CDH7: variants seen among roughly 807,000 people sequenced by gnomAD.
The protein encoded by CDH7 is cadherin 7.
In CDH7, 25 loss-of-function variants were observed where a neutral mutation model predicts 71.8. The ratio of observed to expected loss-of-function variants is 0.35; its 90% CI spans 0.25 to 0.49. CDH7 has a LOEUF of 0.49. CDH7 is among the 20% of genes least tolerant of loss of function. CDH7 has a pLI of 0.99. For missense variants in CDH7, 862 were observed against 974.6 expected (o/e 0.88, Z 1.54); for synonymous variants, 381 against 363.8 (o/e 1.05, Z -0.54).
Position 65,814,561 on chromosome 18 carries a change from T to A in CDH7, c.582T>A (p.Ser194Arg). The change falls in exon 4 of 12, where the codon AGT becomes AGA. Residue 194 changes from serine to arginine, a missense_variant. By Grantham distance (110) the Ser-to-Arg change is moderately radical. Transcript: ENST00000397968. ...TYGNSARVVY[S>R]ILQGQPYFSV... ...GCAACAGTGCCAGAGTGGTCTACAG[T>A]ATTCTGCAAGGACAGCCGTACTTCT... 1 of 1,613,700 alleles carries A rather than the reference T, an allele frequency of 6.2e-7. No homozygotes were observed. Among genetic ancestry groups the A allele is most frequent in the Non-Finnish European group, 8.5e-7 (1 of 1,179,760 alleles).
At chr18:65,778,938 C>A (rs1326982393) in intron 2 of CDH7, among the ~76,000 whole-genome samples, 1 of 152,066 alleles carries the variant, frequency 6.6e-6, no homozygotes, top group Non-Finnish European at 1.5e-5. Flanking sequence ...CCTGAGATTT[C>A]TTTTTCTACC....
intron 10 of CDH7, among the ~76,000 whole-genome samples, chr18:65,860,388 C>T (rs963127249): frequency 6.6e-6 from 1 of 151,944 alleles, no homozygotes; most frequent in African/African-American, 2.4e-5. Flanking sequence ...TATTTCTCTG[C>T]TTCAAAGGTA....
At chr18:65,859,579 G>C in intron 9 of CDH7, 129 bp from the exon 10 acceptor site, 1 of 607,398 alleles carries the variant, frequency 1.6e-6, no homozygotes, top group Non-Finnish European at 3.0e-6. Flanking sequence ...ATAATACATC[G>C]GATCCTTTCT....
chr18:65,807,887 CT>C (rs1174961202), intron 2 of CDH7, among the ~76,000 whole-genome samples: 1 of 152,148 alleles, frequency 6.6e-6, no homozygotes, highest in African/African-American at 2.4e-5. Flanking sequence ...ATAGTCCCTT[CT>C]TTCCTCAAGT....
rs1555688432 is a variant in CDH7 at position 65,844,174 on chromosome 18, G to GATAT, written c.1235+120_1235+123dup. On this transcript the variant is annotated intron_variant, in intron 7 of 11. Transcript: ENST00000397968. Reference sequence around the variant, plus strand: ...CTTTGTTCATAACAAATAAAAACCAGATATATATATATATCGAGTTATAAC... The same window carrying GATAT: ...CTTTGTTCATAACAAATAAAAACCAGATATATATATATATATATCGAGTTATAAC... 28 of 227,998 alleles carry GATAT rather than the reference G, an allele frequency of 1.2e-4. 4 individuals are homozygous for GATAT. Among genetic ancestry groups the GATAT allele is most frequent in the Non-Finnish European group, 2.0e-4 (25 of 124,732 alleles). 14.1% of individuals were successfully genotyped at this position (227,998 alleles called of 1,614,324 possible). A position where few individuals can be genotyped will look rare whatever the true frequency, so the allele number is the denominator to read the frequency against.
At chr18:65,854,798 A>C (rs963034699) in intron 7 of CDH7, among the ~76,000 whole-genome samples, 3 of 152,124 alleles carry the variant, frequency 2.0e-5, no homozygotes, top group Non-Finnish European at 4.4e-5. Flanking sequence ...TTAAGTTATA[A>C]TCCTCTTATC....
rs1343525014 is a variant in CDH7 at position 65,884,198 on chromosome 18, T to C, written c.*3304T>C. The C allele has an allele frequency of 6.6e-6, 1 of 152,156 alleles. No homozygotes were observed. Among genetic ancestry groups the C allele is most frequent in the East Asian group, 1.9e-4 (1 of 5,194 alleles). 9.4% of individuals were successfully genotyped at this position (152,156 alleles called of 1,614,324 possible). A position where few individuals can be genotyped will look rare whatever the true frequency, so the allele number is the denominator to read the frequency against. On this transcript the variant is annotated 3_prime_UTR_variant, in exon 12 of 12. Coordinates refer to ENST00000397968, the MANE Select transcript of CDH7 (RefSeq NM_004361.5). ...AAATCAAATCTTAAGGAAATGGATTTCTGGAGATCAAGCCTAAATTATCAA... is the reference window on the plus strand; with the variant it reads ...AAATCAAATCTTAAGGAAATGGATTCCTGGAGATCAAGCCTAAATTATCAA...
At chr18:65,807,137 G>A (rs2143899223) in intron 2 of CDH7, among the ~76,000 whole-genome samples, 1 of 152,074 alleles carries the variant, frequency 6.6e-6, no homozygotes, top group Non-Finnish European at 1.5e-5. Flanking sequence ...GGCATGGGTA[G>A]GTAATAGAAG....
intron 1 of CDH7, among the ~76,000 whole-genome samples, chr18:65,751,791 T>A (rs1219537378): frequency 6.6e-6 from 1 of 152,176 alleles, no homozygotes; most frequent in Non-Finnish European, 1.5e-5. Context: ...GCGCCCTGCT[T>A]CTCTGAATGC....
intron 2 of CDH7, among the ~76,000 whole-genome samples, chr18:65,797,872 T>A (rs1462745172): frequency 6.6e-6 from 1 of 152,188 alleles, no homozygotes; most frequent in Non-Finnish European, 1.5e-5. Context: ...TCAAACTTCC[T>A]CTGTATTTCT....
At chr18:65,790,220 C>CAAAAAAAAAAA (rs10552878) in intron 2 of CDH7, among the ~76,000 whole-genome samples, 8 of 66,500 alleles carry the variant, frequency 1.2e-4, no homozygotes, top group African/African-American at 4.2e-4. Context: ...GACTCTCTCT[C>CAAAAAAAAAAA]AAAAAAAAAA....
At chr18:65,854,503 T>C (rs936095368) in intron 7 of CDH7, among the ~76,000 whole-genome samples, 1 of 119,092 alleles carries the variant, frequency 8.4e-6, no homozygotes, top group African/African-American at 2.5e-5. Context: ...TTAAATAAAT[T>C]CTCAACTTTA....
intron 5 of CDH7, among the ~76,000 whole-genome samples, chr18:65,823,902 G>A (rs767291930): frequency 2.6e-5 from 4 of 151,816 alleles, no homozygotes; most frequent in East Asian, 1.9e-4. Context: ...GCGGTGTTTC[G>A]TCATTTCTGA....
intron 3 of CDH7, 43 bp downstream of exon 3, chr18:65,810,041 G>A (rs1489867204): frequency 6.7e-7 from 1 of 1,503,382 alleles, no homozygotes; most frequent in African/African-American, 1.4e-5. Flanking sequence ...TGGCCGATTT[G>A]GGGAGATTTG....
chr18:65,770,808 A>G (rs1366197449), intron 2 of CDH7, among the ~76,000 whole-genome samples: 2 of 152,176 alleles, frequency 1.3e-5, no homozygotes, highest in Non-Finnish European at 2.9e-5. Context: ...GTTAGAACTA[A>G]AATGAATACT....
chr18:65,849,754 C>T (rs1431347048), intron 7 of CDH7, among the ~76,000 whole-genome samples: 1 of 152,060 alleles, frequency 6.6e-6, no homozygotes, highest in Non-Finnish European at 1.5e-5. Flanking sequence ...AATTACAAAG[C>T]TCTGCTGTCA....
intron 11 of CDH7, among the ~76,000 whole-genome samples, chr18:65,867,836 G>A (rs1475441840): frequency 6.6e-6 from 1 of 152,126 alleles, no homozygotes; most frequent in African/African-American, 2.4e-5. Context: ...TTAATAAGGT[G>A]TTTGTAGAAA....
Position 65,824,842 on chromosome 18 carries a change from CT to C in CDH7, c.981+14del. The C allele has an allele frequency of 6.5e-7, 1 of 1,545,052 alleles. No homozygotes were observed. Among genetic ancestry groups the C allele is most frequent in the Non-Finnish European group, 8.8e-7 (1 of 1,132,844 alleles). On this transcript the variant is annotated intron_variant, in intron 6 of 11. Transcript: ENST00000397968. ...ATTACTATACAGAAGGTAATGTTTT[CT>C]TTATTTATCTTTTATCACAGATTAC...
chr18:65,873,715 G>A (rs9950064), intron 11 of CDH7, among the ~76,000 whole-genome samples: 14,184 of 152,118 alleles, frequency 0.093, 1,153 homozygotes, highest in African/African-American at 0.21. Context: ...TGGCTAATTA[G>A]AAATGATGAT....
Sources: allele counts gnomAD v4.1 joint callset (sites outside exome capture counted in the v4.1 genomes callset), GRCh38; gene constraint gnomAD v4.1.1; transcripts MANE v1.5; gene names NCBI Gene and HGNC (gene_info 2026-07-23, HGNC 2026-07-21).